The following STAT1 variants were observed in gnomAD, a reference collection of about 807,000 sequenced individuals.
The protein encoded by STAT1 is signal transducer and activator of transcription 1-alpha/beta.
A neutral mutation model predicts 111.7 loss-of-function variants in STAT1; 24 were observed. The observed-to-expected ratio is 0.21, with a 90% CI of 0.16 to 0.30. The LOEUF (loss-of-function observed/expected upper bound fraction) is 0.30. Among genes scored for constraint, STAT1 ranks in the 10% least tolerant of loss-of-function variants. The pLI is 1.00. For missense variants in STAT1, 351 were observed against 911.9 expected (o/e 0.38, Z 7.92); for synonymous variants, 332 against 326.5 (o/e 1.02, Z -0.18).
Position 190,974,756 on chromosome 2 carries a change from T to C in STAT1, c.2238+74A>G. 1 of 1,336,544 alleles carries C rather than the reference T, an allele frequency of 7.5e-7. No homozygotes were observed. The highest frequency in any genetic ancestry group is 1.4e-5 in the African/African-American group (1 of 69,494). 82.8% of individuals were successfully genotyped at this position (1,336,544 alleles called of 1,614,324 possible). On this transcript the variant is annotated intron_variant, in intron 24 of 24. Coordinates refer to ENST00000361099, the MANE Select transcript of STAT1 (RefSeq NM_007315.4). This position sits in a 1 kb window ranked among gnomAD's most constrained non-coding sequence, Gnocchi z 4.8. ...CCCTCCCGCAGACAGGCCCGGGATC[T>C]GCCATGGTGCGCTCCCTGCCTCTGA... is the stretch of plus-strand genomic sequence containing the variant.
chr2:190,998,497 T>TA lies in STAT1; in HGVS notation c.542-190dup, dbSNP rs1483878550. On this transcript the variant is annotated intron_variant, in intron 7 of 24. Transcript: ENST00000361099. The surrounding 1 kb of genome is among the most constrained non-coding windows in gnomAD (Gnocchi z 4.1). The stretch of plus-strand genomic sequence containing the variant: ...AACAACTAGACACACTGAAACAAAA[T>TA]ACTTGTTTTCAAAAATTAGCCGGGC... Among the ~76,000 whole-genome samples, 62 of 151,644 alleles carry TA rather than the reference T, an allele frequency of 4.1e-4. No homozygotes were observed. The highest frequency in any genetic ancestry group is 4.4e-5 in the Non-Finnish European group (3 of 67,924).
Position 190,982,464 on chromosome 2 carries a change from C to T in STAT1, c.1501G>A (p.Val501Met). Residue 501 changes from valine (V) to methionine (M), a missense_variant, in exon 18 of 25, where the codon GTG (valine) becomes ATG (methionine). By Grantham distance (21) the Val-to-Met change is conservative. Transcript: ENST00000361099. The surrounding 1 kb of genome is among the most constrained non-coding windows in gnomAD (Gnocchi z 7.3). ...PCARWAQLSEVLSWQFSSVTK... is the reference protein window; with the variant it reads ...PCARWAQLSEMLSWQFSSVTK... ...ACAGAAGAAAACTGCCAACTCAGCA[C>T]TTCTGAAAGCTGAGCCCATCGTGCA... 1 of 1,614,218 alleles carries T rather than the reference C, an allele frequency of 6.2e-7. No homozygotes were observed. Among genetic ancestry groups the T allele is most frequent in the Non-Finnish European group, 8.5e-7 (1 of 1,180,030 alleles).
Position 190,976,167 on chromosome 2 carries a change from G to C in STAT1, c.2060-280C>G, listed in dbSNP as rs143615627. On this transcript the variant is annotated intron_variant, in intron 22 of 24. Coordinates refer to ENST00000361099, the MANE Select transcript of STAT1 (RefSeq NM_007315.4). This position sits in a 1 kb window ranked among gnomAD's most constrained non-coding sequence, Gnocchi z 6.0. ...TACACAACTTGAAATCTTACAAGAA[G>C]TCTGAGCCCAAAATATGCAAAGTTC... Among the ~76,000 whole-genome samples the C allele has an allele frequency of 8.5e-5, 13 of 152,330 alleles. No homozygotes were observed. In the East Asian group the frequency reaches 2.3e-3, roughly 27 times the overall value.
rs1238103998 is a variant in STAT1, at chr2:190,995,573, T to A, written c.786-354A>T. 2.0e-5 allele frequency among the ~76,000 whole-genome samples: 3 copies of A among 152,156 alleles called. No individual in the cohort carries two copies. Among genetic ancestry groups the A allele is most frequent in the Non-Finnish European group, 1.5e-5 (1 of 68,010 alleles). Reference sequence around the variant, plus strand: ...CCCCCATGATTCAATTATCTCCACCTGGCCCTGCCCTTGACACATGGGGAT... The same window carrying A: ...CCCCCATGATTCAATTATCTCCACCAGGCCCTGCCCTTGACACATGGGGAT... On this transcript the variant is annotated intron_variant, in intron 9 of 24. Coordinates refer to ENST00000361099, the MANE Select transcript of STAT1 (RefSeq NM_007315.4). This position sits in a 1 kb window ranked among gnomAD's most constrained non-coding sequence, Gnocchi z 4.2.
Position 190,993,400 on chromosome 2 carries a change from G to A in STAT1, c.944+1661C>T, listed in dbSNP as rs1009260550. On this transcript the variant is annotated intron_variant, in intron 10 of 24. Coordinates refer to ENST00000361099, the MANE Select transcript of STAT1 (RefSeq NM_007315.4). The surrounding 1 kb of genome is among the most constrained non-coding windows in gnomAD (Gnocchi z 4.1). ...ATATTTGAAGCTTGATTGTTTTCCC[G>A]TCTAACTCTATAGTTCTTATTTTGA... 2.5e-5 allele frequency: 34 copies of A among 1,386,820 alleles called. No homozygotes were observed. The highest frequency in any genetic ancestry group is 1.3e-4 in the Admixed American group (7 of 52,196). 85.9% of individuals were successfully genotyped at this position (1,386,820 alleles called of 1,614,324 possible).
At position 190,975,187 on chromosome 2, in the gene STAT1, C is replaced by A; in HGVS notation, c.2136-255G>T. 2.0e-6 allele frequency: 1 copy of A among 497,884 alleles called. No individual in the cohort carries two copies. The highest frequency in any genetic ancestry group is 2.6e-5 in the Admixed American group (1 of 37,786). The allele number at this position is 497,884 out of a possible 1,614,324, so 30.8% of individuals were successfully genotyped here. A position where few individuals can be genotyped will look rare whatever the true frequency, so the allele number is the denominator to read the frequency against. ...AATAGCCAGACTGGAATCTGTGCCG[C>A]TTCTGCCTGGGTAAGCCTAGGTGTG... is the stretch of plus-strand genomic sequence containing the variant. On this transcript the variant is annotated intron_variant, in intron 23 of 24. Coordinates refer to ENST00000361099, the MANE Select transcript of STAT1 (RefSeq NM_007315.4). The surrounding 1 kb of genome is among the most constrained non-coding windows in gnomAD (Gnocchi z 5.9).
chr2:190,998,672 C>CA lies in STAT1; in HGVS notation c.542-365dup, dbSNP rs1014931509. On this transcript the variant is annotated intron_variant, in intron 7 of 24. Coordinates refer to ENST00000361099, the MANE Select transcript of STAT1 (RefSeq NM_007315.4). This position sits in a 1 kb window ranked among gnomAD's most constrained non-coding sequence, Gnocchi z 4.1. ...GCGAGACTCCGTCTCCAAAAAAAAA[C>CA]AAAAAAAACAAAAAAAAAACAAAAA... 7.4e-4 allele frequency among the ~76,000 whole-genome samples: 104 copies of CA among 140,834 alleles called. No homozygotes were observed. The highest frequency in any genetic ancestry group is 7.0e-3 in the East Asian group (34 of 4,886). 92.4% of individuals were successfully genotyped at this position (140,834 alleles called of 152,430 possible).
chr2:190,985,634 G>C lies in STAT1; in HGVS notation c.1248C>G (p.Gly416=), dbSNP rs140787216. Residue 416 remains glycine, a synonymous_variant, in exon 15 of 25, where the codon GGC becomes GGG. Coordinates refer to ENST00000361099, the MANE Select transcript of STAT1 (RefSeq NM_007315.4). ...GGACTCTCACCTCATTCGTTCTGGT[G>C]CCAGCATTTTTCTGTTCTTTCAATT... ...HLQLKEQKNA[G]TRTNEGPLIV... 1.7e-4 allele frequency: 271 copies of C among 1,614,154 alleles called. No homozygotes were observed. The highest frequency in any genetic ancestry group is 2.2e-4 in the Non-Finnish European group (257 of 1,180,004).
rs1430138989 is a variant in STAT1 at position 190,990,272 on chromosome 2, A to T, written c.1038-598T>A. 6.6e-6 allele frequency among the ~76,000 whole-genome samples: 1 copy of T among 152,156 alleles called. No homozygotes were observed. The highest frequency in any genetic ancestry group is 1.5e-5 in the Non-Finnish European group (1 of 68,014). ...AGCAGGTGGATGGGATCAGATTTCT[A>T]CTGTCCCTTCCAGCTGCTGAGTTCT... is the stretch of plus-strand genomic sequence containing the variant. On this transcript the variant is annotated intron_variant, in intron 11 of 24. Coordinates refer to ENST00000361099, the MANE Select transcript of STAT1 (RefSeq NM_007315.4). The surrounding 1 kb of genome is among the most constrained non-coding windows in gnomAD (Gnocchi z 5.1).
chr2:190,981,017 C>A lies in STAT1; in HGVS notation c.1583-348G>T, dbSNP rs779512892. Reference sequence around the variant, plus strand: ...ATCTGCTCTCTCCCTCCCCAGCCCCCCTTTTCCCTCCCTCCTCTAAAGAGA... The same window carrying A: ...ATCTGCTCTCTCCCTCCCCAGCCCCACTTTTCCCTCCCTCCTCTAAAGAGA... On this transcript the variant is annotated intron_variant, in intron 18 of 24. Transcript: ENST00000361099. The surrounding 1 kb of genome is among the most constrained non-coding windows in gnomAD (Gnocchi z 4.1). 6.6e-6 allele frequency among the ~76,000 whole-genome samples: 1 copy of A among 151,064 alleles called. No homozygotes were observed. The highest frequency in any genetic ancestry group is 2.1e-4 in the South Asian group (1 of 4,810).
At chr2:191,010,149 A>T (rs1695012804) in intron 2 of STAT1, 145 bp from the exon 3 acceptor site, 1 of 1,042,044 alleles carries the variant, frequency 9.6e-7, no homozygotes, top group African/African-American at 1.6e-5. Context: ...TTTAAATGGC[A>T]TTTATAGTCT....
At position 190,975,340 on chromosome 2, in the gene STAT1, C is replaced by G. The variant is rs2124994846; in HGVS notation, c.2136-408G>C. 1 of 483,338 alleles carries G rather than the reference C, an allele frequency of 2.1e-6. No homozygotes were observed. Among genetic ancestry groups the G allele is most frequent in the South Asian group, 1.5e-5 (1 of 64,672 alleles). 29.9% of individuals were successfully genotyped at this position (483,338 alleles called of 1,614,324 possible). A position where few individuals can be genotyped will look rare whatever the true frequency, so the allele number is the denominator to read the frequency against. On this transcript the variant is annotated intron_variant, in intron 23 of 24. Transcript: ENST00000361099. The surrounding 1 kb of genome is among the most constrained non-coding windows in gnomAD (Gnocchi z 5.9). ...GGTTTGAATGCAGATAAAGCTGCTC[C>G]ACACAGTGTTTTTACATGAAGGCTA...
Position 190,982,600 on chromosome 2 carries a change from A to G in STAT1, c.1447-82T>C. 2 of 1,498,682 alleles carry G rather than the reference A, an allele frequency of 1.3e-6. No individual in the cohort carries two copies. The highest frequency in any genetic ancestry group is 1.9e-6 in the Non-Finnish European group (2 of 1,076,010). 92.8% of individuals were successfully genotyped at this position (1,498,682 alleles called of 1,614,324 possible). On this transcript the variant is annotated intron_variant, in intron 17 of 24. Coordinates refer to ENST00000361099, the MANE Select transcript of STAT1 (RefSeq NM_007315.4). The surrounding 1 kb of genome is among the most constrained non-coding windows in gnomAD (Gnocchi z 7.3). ...TGGCACTAAAACATATGTCCATCCC[A>G]AAGTTCAATTCTAGTTTATATGACA...
intron 2 of STAT1, among the ~76,000 whole-genome samples, 163 bp downstream of exon 2, chr2:191,013,361 AT>A (rs1469189530): frequency 4.1e-5 from 6 of 147,652 alleles, no homozygotes; most frequent in South Asian, 4.4e-4. Context: ...CCGGCCAGAA[AT>A]TTTTTTAAGA....
At chr2:191,013,470 A>G (rs1440196928) in intron 2 of STAT1, 55 bp downstream of exon 2, 4 of 395,888 alleles carry the variant, frequency 1.0e-5, no homozygotes, top group African/African-American at 2.1e-5. Flanking sequence ...TAGAAACATA[A>G]TTAAGATTCC....
chr2:190,977,732 T>C lies in STAT1; in HGVS notation c.1874-707A>G, dbSNP rs939671753. ...CTGGCTGGTAGTGTCCTGCTTGACC[T>C]TTCCTGGTTGCCAAGGGTTTTCTTC... is the stretch of plus-strand genomic sequence containing the variant. On this transcript the variant is annotated intron_variant, in intron 21 of 24. Coordinates refer to ENST00000361099, the MANE Select transcript of STAT1 (RefSeq NM_007315.4). The surrounding 1 kb of genome is among the most constrained non-coding windows in gnomAD (Gnocchi z 4.7). Among the ~76,000 whole-genome samples, 17 of 152,130 alleles carry C rather than the reference T, an allele frequency of 1.1e-4. No individual in the cohort carries two copies. The highest frequency in any genetic ancestry group is 2.2e-4 in the Non-Finnish European group (15 of 68,022).
At position 190,990,963 on chromosome 2, in the gene STAT1, T is replaced by C. The variant is rs952766668; in HGVS notation, c.1037+265A>G. Among the ~76,000 whole-genome samples the C allele has an allele frequency of 6.6e-5, 10 of 152,202 alleles. No individual in the cohort carries two copies. The highest frequency in any genetic ancestry group is 2.4e-4 in the African/African-American group (10 of 41,430). Reference sequence around the variant, plus strand: ...CTCTATTACACACATTTCTGCAATTTGGAATTCTGTTTTCCTGTGAACACG... The same window carrying C: ...CTCTATTACACACATTTCTGCAATTCGGAATTCTGTTTTCCTGTGAACACG... On this transcript the variant is annotated intron_variant, in intron 11 of 24. Transcript: ENST00000361099. The surrounding 1 kb of genome is among the most constrained non-coding windows in gnomAD (Gnocchi z 5.1).
Position 190,998,562 on chromosome 2 carries a change from T to C in STAT1, c.542-254A>G, listed in dbSNP as rs1439203736. On this transcript the variant is annotated intron_variant, in intron 7 of 24. Coordinates refer to ENST00000361099, the MANE Select transcript of STAT1 (RefSeq NM_007315.4). This position sits in a 1 kb window ranked among gnomAD's most constrained non-coding sequence, Gnocchi z 4.1. ...CTGTAGTCCCAGCTACTCGGGAGGC[T>C]GAGGCAGGAGAACAGCATGAACCCG... Among the ~76,000 whole-genome samples, 1 of 151,594 alleles carries C rather than the reference T, an allele frequency of 6.6e-6. No individual in the cohort carries two copies. Among genetic ancestry groups the C allele is most frequent in the Non-Finnish European group, 1.5e-5 (1 of 67,968 alleles).
rs565554990 is a variant in STAT1 at position 190,986,057 on chromosome 2, G to A, written c.1222-397C>T. Among the ~76,000 whole-genome samples, 17 of 152,288 alleles carry A rather than the reference G, an allele frequency of 1.1e-4. No individual in the cohort carries two copies. The South Asian group carries it at 2.5e-3, about 22-fold the overall frequency. Reference sequence around the variant, plus strand: ...CAGGTCCACCTGCCCTCAAGTGGACGTCAATCTCTGAGCTGTCAATCCCTG... The same window carrying A: ...CAGGTCCACCTGCCCTCAAGTGGACATCAATCTCTGAGCTGTCAATCCCTG... On this transcript the variant is annotated intron_variant, in intron 14 of 24. Coordinates refer to ENST00000361099, the MANE Select transcript of STAT1 (RefSeq NM_007315.4). This position sits in a 1 kb window ranked among gnomAD's most constrained non-coding sequence, Gnocchi z 5.0.
Sources: allele counts gnomAD v4.1 joint callset (sites outside exome capture counted in the v4.1 genomes callset), GRCh38; gene constraint gnomAD v4.1.1; non-coding constraint Gnocchi (gnomAD v3.1); transcripts MANE v1.5; gene names NCBI Gene and HGNC (gene_info 2026-07-23, HGNC 2026-07-21).